Variants in CNNM2 observed in about 807,000 individuals in gnomAD.
CNNM2 encodes cyclin and CBS domain divalent metal cation transport mediator 2.
CNNM2 carries 12 observed loss-of-function variants against 66.9 expected under a neutral mutation model. The ratio of observed to expected loss-of-function variants is 0.18; its 90% CI spans 0.11 to 0.29. The LOEUF is 0.29. Ranked by LOEUF, CNNM2 falls within the 10% of genes least tolerant of loss-of-function variation. The pLI, the probability that CNNM2 is intolerant of heterozygous loss-of-function variation, is 1.00. For missense variants in CNNM2, 705 were observed against 1,167.7 expected (o/e 0.60, Z 5.77); for synonymous variants, 557 against 501.8 (o/e 1.11, Z -1.47).
intron 5 of CNNM2, among the ~76,000 whole-genome samples, chr10:103,070,439 G>A (rs942067876): frequency 2.0e-5 from 3 of 152,202 alleles, no homozygotes; most frequent in African/African-American, 7.2e-5. Flanking sequence ...GAAAGCATGA[G>A]GGGAAATGTG....
intron 1 of CNNM2, among the ~76,000 whole-genome samples, chr10:102,939,268 A>G (rs1243127765): frequency 2.0e-5 from 3 of 152,182 alleles, no homozygotes; most frequent in Non-Finnish European, 4.4e-5. Flanking sequence ...GCAGAGTTCT[A>G]TGTCTTAGGG....
chr10:103,075,035 G>C (rs1008365063), intron 6 of CNNM2, among the ~76,000 whole-genome samples: 1 of 152,140 alleles, frequency 6.6e-6, no homozygotes, highest in African/African-American at 2.4e-5. Flanking sequence ...GAAAGAAAAG[G>C]TACTAAAGCT....
chr10:103,041,074 G>A (rs887154189), intron 1 of CNNM2, among the ~76,000 whole-genome samples: 6 of 152,130 alleles, frequency 3.9e-5, no homozygotes, highest in Admixed American at 3.3e-4. Context: ...GAGCCCTACC[G>A]AAGGGGCCAC....
chr10:102,988,192 C>T (rs2134238825), intron 1 of CNNM2, among the ~76,000 whole-genome samples: 1 of 152,150 alleles, frequency 6.6e-6, no homozygotes, highest in Admixed American at 6.5e-5. Flanking sequence ...ATCCCAGCTA[C>T]TTGGGAGGCT....
chr10:103,026,798 A>G (rs1458258794), intron 1 of CNNM2, among the ~76,000 whole-genome samples: 2 of 152,084 alleles, frequency 1.3e-5, no homozygotes, highest in Non-Finnish European at 2.9e-5. Context: ...ACATTGTTAC[A>G]TGGAGGTCAG....
intron 1 of CNNM2, among the ~76,000 whole-genome samples, chr10:102,996,182 A>G (rs2063999398): frequency 1.3e-5 from 2 of 151,380 alleles, no homozygotes; most frequent in South Asian, 4.2e-4. Flanking sequence ...TAGTCTTTCT[A>G]GAGGTTTATC....
intron 1 of CNNM2, among the ~76,000 whole-genome samples, chr10:102,948,038 C>T (rs1171072048): frequency 1.3e-5 from 2 of 152,046 alleles, no homozygotes; most frequent in Non-Finnish European, 2.9e-5. Flanking sequence ...GGGGATAGAG[C>T]GAGACTCCCT....
chr10:102,966,661 TC>T (rs1400142016), intron 1 of CNNM2, among the ~76,000 whole-genome samples: 1 of 152,214 alleles, frequency 6.6e-6, no homozygotes, highest in African/African-American at 2.4e-5. Flanking sequence ...TGGTGCCTAT[TC>T]CCTGTAGATT....
chr10:102,996,332 C>T (rs1432564264), intron 1 of CNNM2, among the ~76,000 whole-genome samples: 1 of 151,604 alleles, frequency 6.6e-6, no homozygotes, highest in Admixed American at 6.6e-5. Flanking sequence ...ATTCTGCCAT[C>T]TTTTTTTTCC....
Position 103,018,739 on chromosome 10 carries a change from A to G in CNNM2, c.1622-30968A>G, listed in dbSNP as rs915292068. 2.9e-5 allele frequency among the ~76,000 whole-genome samples: 4 copies of G among 138,764 alleles called. 1 individual carries two copies. The South Asian group carries it at 6.9e-4, about 24-fold the overall frequency. 91.0% of individuals were successfully genotyped at this position (138,764 alleles called of 152,430 possible). ...GAGTCTCCCTCTTGCACTCACTGCA[A>G]CCTCCAACTCTCGGGTTCAAGTGAT... On this transcript the variant is annotated intron_variant, in intron 1 of 7. Coordinates refer to ENST00000369878, the MANE Select transcript of CNNM2 (RefSeq NM_017649.5).
intron 1 of CNNM2, among the ~76,000 whole-genome samples, chr10:102,934,987 C>T (rs1225088633): frequency 6.6e-5 from 10 of 151,048 alleles, no homozygotes; most frequent in African/African-American, 1.2e-4. Flanking sequence ...GGTGAAACCC[C>T]GACTCTACCA....
chr10:102,945,387 A>AC (rs1393039907), intron 1 of CNNM2, among the ~76,000 whole-genome samples: 1 of 152,106 alleles, frequency 6.6e-6, no homozygotes, highest in Non-Finnish European at 1.5e-5. Context: ...CCTCTTAGTG[A>AC]CCCCTAACCA....
chr10:103,049,117 A>T (rs1195491414), intron 1 of CNNM2, among the ~76,000 whole-genome samples: 1 of 152,164 alleles, frequency 6.6e-6, no homozygotes, highest in East Asian at 1.9e-4. Flanking sequence ...AAGCTCTTGG[A>T]TTACAAGAGT....
intron 1 of CNNM2, among the ~76,000 whole-genome samples, chr10:102,985,733 A>C (rs925737855): frequency 6.6e-6 from 1 of 152,226 alleles, no homozygotes; most frequent in African/African-American, 2.4e-5. Context: ...GCTCAGATTG[A>C]TAGAATAGCT....
intron 1 of CNNM2, among the ~76,000 whole-genome samples, chr10:103,005,542 A>G (rs963190554): frequency 1.3e-5 from 2 of 152,048 alleles, no homozygotes; most frequent in African/African-American, 4.8e-5. Context: ...ACAGCTACAT[A>G]GGAGGCTGAG....
At chr10:103,073,817 C>G (rs1354407536) in intron 6 of CNNM2, among the ~76,000 whole-genome samples, 4 of 139,474 alleles carry the variant, frequency 2.9e-5, no homozygotes, top group Non-Finnish European at 1.5e-5. Context: ...AGCCGAGATT[C>G]CGCCACTGCA....
At chr10:103,070,889 C>T (rs1221530489) in intron 5 of CNNM2, among the ~76,000 whole-genome samples, 1 of 152,078 alleles carries the variant, frequency 6.6e-6, no homozygotes, top group Non-Finnish European at 1.5e-5. Context: ...CAGAGCACGC[C>T]ACTGTACTCC....
intron 1 of CNNM2, among the ~76,000 whole-genome samples, chr10:103,011,646 C>CTGTG (rs10624803): frequency 0.1 from 13,867 of 135,860 alleles, 735 homozygotes; most frequent in Middle Eastern, 0.18. Context: ...AATACTTGCA[C>CTGTG]TGTGTGTGTG....
At chr10:103,004,231 G>A (rs902153979) in intron 1 of CNNM2, among the ~76,000 whole-genome samples, 9 of 151,914 alleles carry the variant, frequency 5.9e-5, no homozygotes, top group Non-Finnish European at 8.8e-5. Context: ...TCGAACTCCC[G>A]ACCTCAGGTG....
Sources: gnomAD v4.1 joint callset for allele counts (sites outside exome capture counted in the v4.1 genomes callset) on GRCh38, gnomAD v4.1.1 for gene constraint, MANE v1.5 for transcripts, NCBI Gene and HGNC (gene_info 2026-07-23, HGNC 2026-07-21) for gene names.